The following CAD variants were observed in gnomAD, a reference collection of about 807,000 sequenced individuals.
CAD encodes the protein carbamoyl-phosphate synthetase 2, aspartate transcarbamylase, and dihydroorotase.
Under a neutral mutation model 237.2 loss-of-function variants are expected in CAD, and 81 were observed. The ratio of observed to expected loss-of-function variants is 0.34; its 90% CI spans 0.29 to 0.41. The LOEUF is 0.41. Ranked by LOEUF, CAD falls within the 10% of genes least tolerant of loss-of-function variation. CAD has a pLI of 1.00. For synonymous variants in CAD, 1,196 were observed against 1,162.8 expected (o/e 1.03, Z -0.58); for missense variants, 2,181 against 2,951.7 (o/e 0.74, Z 6.05).
Position 27,224,786 on chromosome 2 carries a change from G to A in CAD, c.1296G>A (p.Leu432=), listed in dbSNP as rs1218725707. The part of the protein sequence containing the change: ...ALKEENIQTL[L]INPNIATVQT... ...AGGAGGAAAACATCCAGACGTTGCT[G>A]ATCAACCCCAATATTGCCACAGTGC... The change falls in exon 10 of 44, where the codon CTG becomes CTA. Residue 432 remains leucine (L), a synonymous_variant. Transcript: ENST00000264705. The A allele has an allele frequency of 3.1e-6, 5 of 1,614,174 alleles. No homozygotes were observed. Among genetic ancestry groups the A allele is most frequent in the Middle Eastern group, 3.3e-4 (2 of 6,062 alleles).
chr2:27,235,289 G>T lies in CAD; in HGVS notation c.3831G>T (p.Val1277=). The T allele has an allele frequency of 1.9e-6, 3 of 1,613,802 alleles. No individual in the cohort carries two copies. Among genetic ancestry groups the T allele is most frequent in the Non-Finnish European group, 2.5e-6 (3 of 1,179,904 alleles). The change falls in exon 24 of 44, where the codon GTG becomes GTT. Residue 1277 remains valine (V), a synonymous_variant. Coordinates refer to ENST00000264705, the MANE Select transcript of CAD (RefSeq NM_004341.5). This position sits in a 1 kb window ranked among gnomAD's most constrained non-coding sequence, Gnocchi z 5.2. ...CCCGCTTGGCGGGTGCTGACGTGGT[G>T]TTGGGTGTGGAAATGACCAGTACTG... ...SFSRLAGADV[V]LGVEMTSTGE...
chr2:27,223,636 C>A lies in CAD; in HGVS notation c.883C>A (p.His295Asn). Residue 295 changes from histidine to asparagine, a missense_variant, in exon 7 of 44, where the codon CAT (histidine) becomes AAT (asparagine). Coordinates refer to ENST00000264705, the MANE Select transcript of CAD (RefSeq NM_004341.5). ...GCGCTGCTTTCTGACATCCCAGAAC[C>A]ATGGGTTTGCTGTGGAGACAGACTC... is the stretch of plus-strand genomic sequence containing the variant. ...SGRCFLTSQNHGFAVETDSLP... is the reference protein window; with the variant it reads ...SGRCFLTSQNNGFAVETDSLP... The A allele has an allele frequency of 6.2e-7, 1 of 1,614,098 alleles. No homozygotes were observed.
In CAD at chr2:27,217,391, C is replaced by G. The variant is rs1346257029; in HGVS notation, c.-161C>G. ...CGCAGTCTCTGCTGCTGCCGCCAAG[C>G]GCGCCCGAGGCTCCTACGCTGCCGC... On this transcript the variant is annotated 5_prime_UTR_variant, in exon 1 of 44. Coordinates refer to ENST00000264705, the MANE Select transcript of CAD (RefSeq NM_004341.5). 2 of 652,204 alleles carry G rather than the reference C, an allele frequency of 3.1e-6. No homozygotes were observed. The highest frequency in any genetic ancestry group is 3.1e-5 in the East Asian group (1 of 32,046). The allele number at this position is 652,204 out of a possible 1,614,324, so 40.4% of individuals were successfully genotyped here. A position where few individuals can be genotyped will look rare whatever the true frequency, so the allele number is the denominator to read the frequency against.
intron 15 of CAD, among the ~76,000 whole-genome samples, chr2:27,228,904 CTTTTCTTTTTTT>C (rs1675576689): frequency 7.1e-6 from 1 of 139,876 alleles, no homozygotes; most frequent in Non-Finnish European, 1.6e-5. Flanking sequence ...TCTCTTTTTT[CTTTTCTTTTTTT>C]TTTTTCTTTT....
rs940540301 is a variant in CAD at position 27,217,546 on chromosome 2, C to T, written c.-6C>T. The T allele has an allele frequency of 1.2e-6, 2 of 1,603,128 alleles. No homozygotes were observed. Among genetic ancestry groups the T allele is most frequent in the Non-Finnish European group, 1.7e-6 (2 of 1,175,118 alleles). The stretch of plus-strand genomic sequence containing the variant: ...GTACTCGCCCCCGCCTCTGAGCTCC[C>T]TTCCCATGGCGGCCCTAGTGTTGGA... On this transcript the variant is annotated 5_prime_UTR_variant, in exon 1 of 44. Transcript: ENST00000264705.
Position 27,224,333 on chromosome 2 carries a change from T to G in CAD, c.1109-12T>G. 3 of 1,614,128 alleles carry G rather than the reference T, an allele frequency of 1.9e-6. No individual in the cohort carries two copies. The highest frequency in any genetic ancestry group is 2.5e-6 in the Non-Finnish European group (3 of 1,179,984). ...CAGCTCTAACATTCTACGACCTTCTTTGCTTCCACAGTTAGAGAGCGGCTG... is the reference window on the plus strand; with the variant it reads ...CAGCTCTAACATTCTACGACCTTCTGTGCTTCCACAGTTAGAGAGCGGCTG... On this transcript the variant is annotated splice_polypyrimidine_tract_variant and intron_variant, in intron 8 of 43. Coordinates refer to ENST00000264705, the MANE Select transcript of CAD (RefSeq NM_004341.5).
rs1298021320 is a variant in CAD, at chr2:27,237,425, T to C, written c.4443T>C (p.His1481=). 7 of 1,614,054 alleles carry C rather than the reference T, an allele frequency of 4.3e-6. No homozygotes were observed. Among genetic ancestry groups the C allele is most frequent in the Non-Finnish European group, 2.5e-6 (3 of 1,180,014 alleles). ...HVHLREPGGT[H]KEDFASGTAA... Reference sequence around the variant, plus strand: ...ACCTGCGGGAACCAGGTGGGACACATAAGGAGGACTTTGCTTCAGGCACAG... The same window carrying C: ...ACCTGCGGGAACCAGGTGGGACACACAAGGAGGACTTTGCTTCAGGCACAG... Residue 1481 remains histidine, a synonymous_variant, in exon 28 of 44, where the codon CAT becomes CAC. Coordinates refer to ENST00000264705, the MANE Select transcript of CAD (RefSeq NM_004341.5). The surrounding 1 kb of genome is among the most constrained non-coding windows in gnomAD (Gnocchi z 4.0).
Position 27,236,544 on chromosome 2 carries a change from G to A in CAD, c.4314+21G>A, listed in dbSNP as rs1341735009. 3 of 1,607,390 alleles carry A rather than the reference G, an allele frequency of 1.9e-6. No homozygotes were observed. Among genetic ancestry groups the A allele is most frequent in the Non-Finnish European group, 2.5e-6 (3 of 1,178,800 alleles). ...TGGAGGTAACTGAGACCCATGTGCT[G>A]GGAGGGAGACTGCCAGTGTTGATGG... On this transcript the variant is annotated intron_variant, in intron 26 of 43. Coordinates refer to ENST00000264705, the MANE Select transcript of CAD (RefSeq NM_004341.5). The surrounding 1 kb of genome is among the most constrained non-coding windows in gnomAD (Gnocchi z 4.1).
chr2:27,232,064 C>A lies in CAD; in HGVS notation c.2485C>A (p.Leu829Ile). 1 of 1,614,230 alleles carries A rather than the reference C, an allele frequency of 6.2e-7. No individual in the cohort carries two copies. Among genetic ancestry groups the A allele is most frequent in the Admixed American group, 1.7e-5 (1 of 60,022 alleles). The change falls in exon 17 of 44, where the codon CTC becomes ATC. Residue 829 changes from leucine (L) to isoleucine (I), a missense_variant. Leu to Ile is a conservative substitution (Grantham distance 5). Transcript: ENST00000264705. This position sits in a 1 kb window ranked among gnomAD's most constrained non-coding sequence, Gnocchi z 4.1. ...TTATTCAGTGGACCGCCTGTATGAGCTCACACGCATCGACCGCTGGTTCCT... is the reference window on the plus strand; with the variant it reads ...TTATTCAGTGGACCGCCTGTATGAGATCACACGCATCGACCGCTGGTTCCT... ...AGYSVDRLYE[L>I]TRIDRWFLHR...
chr2:27,227,327 G>A (rs768342100), intron 15 of CAD, among the ~76,000 whole-genome samples: 5 of 152,166 alleles, frequency 3.3e-5, no homozygotes, highest in Admixed American at 6.5e-5. Flanking sequence ...ATGAATGGCC[G>A]TAACGTTACC....
chr2:27,234,150 G>A lies in CAD; in HGVS notation c.3542G>A (p.Arg1181Gln), dbSNP rs767170005. 46 of 1,614,048 alleles carry A rather than the reference G, an allele frequency of 2.8e-5. No individual in the cohort carries two copies. The highest frequency in any genetic ancestry group is 3.8e-5 in the Non-Finnish European group (45 of 1,180,034). ...GATATCACTGCCAAAACCCTGGAGC[G>A]GATCAAAGCCATTGTGCATGCTGTG... ...PQDITAKTLE[R>Q]IKAIVHAVGQ... Residue 1181 changes from arginine (R) to glutamine (Q), a missense_variant, in exon 22 of 44, where the codon CGG (arginine) becomes CAG (glutamine). Coordinates refer to ENST00000264705, the MANE Select transcript of CAD (RefSeq NM_004341.5).
chr2:27,238,109 A>G lies in CAD; in HGVS notation c.4782A>G (p.Gln1594=), dbSNP rs779026581. 3 of 1,614,194 alleles carry G rather than the reference A, an allele frequency of 1.9e-6. No homozygotes were observed. The highest frequency in any genetic ancestry group is 4.5e-5 in the East Asian group (2 of 44,890). The change falls in exon 30 of 44, where the codon CAA becomes CAG. Residue 1594 remains glutamine (Q), a synonymous_variant. Coordinates refer to ENST00000264705, the MANE Select transcript of CAD (RefSeq NM_004341.5). ...CCATTGTGGCTCACGCAGAGCAGCA[A>G]ACCGTGGCTGCTGTCCTCATGGTGG... ...HLPIVAHAEQ[Q]TVAAVLMVAQ...
chr2:27,222,819 T>C (rs748785275), intron 5 of CAD, 47 bp from the exon 6 acceptor site: 3 of 1,602,272 alleles, frequency 1.9e-6, no homozygotes, highest in East Asian at 4.5e-5. Flanking sequence ...GTGTGTCTCC[T>C]GTAATTGAAA....
chr2:27,219,608 G>A (rs1378978542), intron 2 of CAD, among the ~76,000 whole-genome samples: 1 of 151,076 alleles, frequency 6.6e-6, no homozygotes, highest in African/African-American at 2.4e-5. Context: ...ATTTTGCTTT[G>A]AGGTAGAGTT....
Position 27,225,330 on chromosome 2 carries a change from G to A in CAD, c.1620+87G>A, listed in dbSNP as rs1360947286. 5.3e-6 allele frequency: 4 copies of A among 755,940 alleles called. No individual in the cohort carries two copies. The African/African-American group carries it at 7.7e-5, about 15-fold the overall frequency. 46.8% of individuals were successfully genotyped at this position (755,940 alleles called of 1,614,324 possible). A position where few individuals can be genotyped will look rare whatever the true frequency, so the allele number is the denominator to read the frequency against. ...TTTTTTTTTTTTTTTTTTTGAGACG[G>A]AGTTTCGCTCTTGTTGCGCAGGCTG... On this transcript the variant is annotated intron_variant, in intron 11 of 43. Transcript: ENST00000264705.
chr2:27,242,319 C>T lies in CAD; in HGVS notation c.6114C>T (p.Cys2038=). ...PGAVELAAKH[C]RRPVINAGDG... ...TTTTCCAGCTGGCCGCCAAGCACTG[C>T]CGGAGGCCAGTGATCAATGCTGGGG... Residue 2038 remains cysteine (C), a synonymous_variant, in exon 40 of 44, where the codon TGC becomes TGT. Transcript: ENST00000264705. The surrounding 1 kb of genome is among the most constrained non-coding windows in gnomAD (Gnocchi z 6.4). The T allele has an allele frequency of 6.2e-7, 1 of 1,612,328 alleles. No individual in the cohort carries two copies. The highest frequency in any genetic ancestry group is 8.5e-7 in the Non-Finnish European group (1 of 1,178,704).
In CAD at chr2:27,232,697, CAG is replaced by C. The variant is rs776807433; in HGVS notation, c.2892+8_2892+9del. 21 of 1,613,992 alleles carry C rather than the reference CAG, an allele frequency of 1.3e-5. No homozygotes were observed. Among genetic ancestry groups the C allele is most frequent in the East Asian group, 2.2e-5 (1 of 44,900 alleles). ...GCTGCATCCAGCAGCTCCGAAAGGTCAGAGAGTTCATTTTCTTTCCACTTTCC... is the reference window on the plus strand; with the variant it reads ...GCTGCATCCAGCAGCTCCGAAAGGTCAGAGTTCATTTTCTTTCCACTTTCC... On this transcript the variant is annotated splice_donor_5th_base_variant and intron_variant, in intron 18 of 43. Coordinates refer to ENST00000264705, the MANE Select transcript of CAD (RefSeq NM_004341.5). The surrounding 1 kb of genome is among the most constrained non-coding windows in gnomAD (Gnocchi z 4.1).
In CAD at chr2:27,231,443, C is replaced by T. The variant is rs1452788099; in HGVS notation, c.2288-25C>T. ...CCCACCCCTTCCACCTCCACACCTT[C>T]ATTCCTTCCATTCTGTTCTTCCAGG... On this transcript the variant is annotated intron_variant, in intron 15 of 43. Transcript: ENST00000264705. The T allele has an allele frequency of 2.2e-6, 3 of 1,369,950 alleles. No homozygotes were observed. In the African/African-American group the frequency reaches 4.3e-5, roughly 19 times the overall value. The allele number at this position is 1,369,950 out of a possible 1,614,324, so 84.9% of individuals were successfully genotyped here. A position where few individuals can be genotyped will look rare whatever the true frequency, so the allele number is the denominator to read the frequency against.
intron 15 of CAD, among the ~76,000 whole-genome samples, chr2:27,229,065 C>T (rs558575647): frequency 2.0e-5 from 3 of 151,630 alleles, no homozygotes; most frequent in East Asian, 2.0e-4. Flanking sequence ...ACTACAGGCG[C>T]GCACAACCAC....
Sources: gnomAD v4.1 joint callset for allele counts (sites outside exome capture counted in the v4.1 genomes callset) on GRCh38, gnomAD v4.1.1 for gene constraint, Gnocchi (gnomAD v3.1) non-coding constraint, MANE v1.5 for transcripts, NCBI Gene and HGNC (gene_info 2026-07-23, HGNC 2026-07-21) for gene names.